Variants in MAN1A1 observed in about 807,000 individuals in gnomAD.
MAN1A1 encodes the protein mannosidase alpha class 1A member 1.
In MAN1A1, 29 loss-of-function variants were observed where a neutral mutation model predicts 70.8. The observed-to-expected ratio is 0.41, with a 90% CI of 0.31 to 0.56. The LOEUF (loss-of-function observed/expected upper bound fraction) is 0.56. MAN1A1 is among the 20% of genes least tolerant of loss of function. The pLI, the probability that MAN1A1 is intolerant of heterozygous loss-of-function variation, is 0.29. For missense variants in MAN1A1, 747 were observed against 841.3 expected (o/e 0.89, Z 1.39); for synonymous variants, 349 against 330.1 (o/e 1.06, Z -0.62).
At chr6:119,281,340 C>T (rs1462303385) in intron 5 of MAN1A1, among the ~76,000 whole-genome samples, 1 of 152,166 alleles carries the variant, frequency 6.6e-6, no homozygotes, top group Non-Finnish European at 1.5e-5. Flanking sequence ...ACAGTCTAAC[C>T]CAAGTCAGTG....
At position 119,204,807 on chromosome 6, in the gene MAN1A1, C is replaced by T; in HGVS notation, c.1068G>A (p.Glu356=). 1 of 1,614,024 alleles carries T rather than the reference C, an allele frequency of 6.2e-7. No homozygotes were observed. The highest frequency in any genetic ancestry group is 8.5e-7 in the Non-Finnish European group (1 of 1,179,912). The part of the protein sequence containing the change: ...ILAEFGTLHL[E]FMHLSHLSGN... ...CTGATAAGTGGCTCAAGTGCATAAA[C>T]TCCAAATGCAGGGTTCCAAATTCTG... The change falls in exon 7 of 13, where the codon GAG becomes GAA. Residue 356 remains glutamate, a synonymous_variant. Transcript: ENST00000368468.
At chr6:119,336,447 G>A (rs1325193990) in intron 2 of MAN1A1, among the ~76,000 whole-genome samples, 1 of 152,140 alleles carries the variant, frequency 6.6e-6, no homozygotes, top group Non-Finnish European at 1.5e-5. Context: ...AGGAAATGGA[G>A]GACCATTAAA....
chr6:119,303,175 T>C (rs1200438148), intron 3 of MAN1A1, among the ~76,000 whole-genome samples: 1 of 152,084 alleles, frequency 6.6e-6, no homozygotes, highest in African/African-American at 2.4e-5. Context: ...TGTGCCACCA[T>C]GCCTGGCTAA....
intron 2 of MAN1A1, among the ~76,000 whole-genome samples, chr6:119,342,423 T>A (rs1773621669): frequency 6.6e-6 from 1 of 152,192 alleles, no homozygotes; most frequent in African/African-American, 2.4e-5. Context: ...CCACTTCATG[T>A]CTGATACCAT....
rs73769055 is a variant in MAN1A1 at position 119,310,162 on chromosome 6, C to T, written c.604-3170G>A. ...TTTAATGTCCTGATCTAATCAAGCA[C>T]GCTGAAGAAAGAAATACGTTGGAAT... On this transcript the variant is annotated intron_variant, in intron 2 of 12. Coordinates refer to ENST00000368468, the MANE Select transcript of MAN1A1 (RefSeq NM_005907.4). Among the ~76,000 whole-genome samples, 324 of 152,294 alleles carry T rather than the reference C, an allele frequency of 2.1e-3. 2 individuals are homozygous for T. Among genetic ancestry groups the T allele is most frequent in the African/African-American group, 7.7e-3 (318 of 41,554 alleles).
At chr6:119,347,143 C>G (rs1034482530) in intron 2 of MAN1A1, among the ~76,000 whole-genome samples, 1 of 152,170 alleles carries the variant, frequency 6.6e-6, no homozygotes, top group Non-Finnish European at 1.5e-5. Flanking sequence ...GACATTCTTC[C>G]TAAACCGAAA....
chr6:119,301,978 T>C lies in MAN1A1; in HGVS notation c.816+10A>G, dbSNP rs1772403874. ...TTAAGGACTGAATTAGAAATTCTTA[T>C]TTAACTTACCACATTAAAATCTAAA... On this transcript the variant is annotated intron_variant, in intron 4 of 12. Transcript: ENST00000368468. The C allele has an allele frequency of 1.4e-6, 2 of 1,386,284 alleles. No homozygotes were observed. Among genetic ancestry groups the C allele is most frequent in the Admixed American group, 1.7e-5 (1 of 58,188 alleles). 85.9% of individuals were successfully genotyped at this position (1,386,284 alleles called of 1,614,324 possible).
intron 2 of MAN1A1, among the ~76,000 whole-genome samples, chr6:119,348,163 G>A (rs1056027594): frequency 6.6e-6 from 1 of 152,230 alleles, no homozygotes; most frequent in African/African-American, 2.4e-5. Flanking sequence ...AGCGGCCAGA[G>A]AATGAGGTTT....
intron 2 of MAN1A1, among the ~76,000 whole-genome samples, chr6:119,330,897 A>C (rs195068): frequency 0.19 from 28,540 of 151,750 alleles, 3,105 homozygotes; most frequent in Admixed American, 0.3. Flanking sequence ...TCCCATAGTA[A>C]CTCTAGGCCC....
intron 5 of MAN1A1, among the ~76,000 whole-genome samples, chr6:119,288,609 T>C (rs543509575): frequency 2.0e-5 from 3 of 151,836 alleles, no homozygotes; most frequent in Non-Finnish European, 4.4e-5. Context: ...CTGGGAGAAA[T>C]AGGCAAGTGA....
At chr6:119,254,072 G>A (rs1215152982) in intron 5 of MAN1A1, among the ~76,000 whole-genome samples, 2 of 152,234 alleles carry the variant, frequency 1.3e-5, no homozygotes, top group East Asian at 3.9e-4. Context: ...TACCTAAACT[G>A]GTGAGCTTAT....
At chr6:119,251,818 T>C (rs1380526230) in intron 5 of MAN1A1, among the ~76,000 whole-genome samples, 1 of 152,242 alleles carries the variant, frequency 6.6e-6, no homozygotes, top group Non-Finnish European at 1.5e-5. Context: ...CAGGAAGATA[T>C]TAATATTCTC....
At chr6:119,189,590 G>C (rs1453841733) in intron 10 of MAN1A1, 74 bp downstream of exon 10, 1 of 1,351,420 alleles carries the variant, frequency 7.4e-7, no homozygotes, top group African/African-American at 1.4e-5. Context: ...GTCTTTTGAG[G>C]GCAGCAATGA....
chr6:119,206,214 G>C (rs1455215516), intron 6 of MAN1A1, among the ~76,000 whole-genome samples: 2 of 152,168 alleles, frequency 1.3e-5, no homozygotes, highest in Non-Finnish European at 2.9e-5. Context: ...TGGGAGAGAA[G>C]GCTGGAAGGA....
rs370799342 is a variant in MAN1A1 at position 119,179,863 on chromosome 6, T to C, written c.1918A>G (p.Ile640Val). The C allele has an allele frequency of 2.5e-5, 41 of 1,613,078 alleles. No homozygotes were observed. In the Middle Eastern group the frequency reaches 5.0e-4, roughly 19 times the overall value. ...ACTTCCTTTTTATCTTTAGGGAGGA[T>C]AGGGAGAAGATGTGCCTCGCTATTG... Reference protein sequence around the residue: ...IFNSEAHLLPILPKDKKEVEI... With the variant: ...IFNSEAHLLPVLPKDKKEVEI... Residue 640 changes from isoleucine to valine, a missense_variant, in exon 13 of 13, where the codon ATC (isoleucine) becomes GTC (valine). Physicochemically the swap from Ile to Val is conservative, Grantham distance 29 (BLOSUM62 3). Coordinates refer to ENST00000368468, the MANE Select transcript of MAN1A1 (RefSeq NM_005907.4).
At chr6:119,347,239 A>AG (rs1773754330) in intron 2 of MAN1A1, among the ~76,000 whole-genome samples, 11 of 152,310 alleles carry the variant, frequency 7.2e-5, no homozygotes, top group Admixed American at 4.6e-4. Context: ...ATCCCATGAC[A>AG]ATCCTGCTGC....
rs571433648 is a variant in MAN1A1, at chr6:119,296,136, G to A, written c.817-5373C>T. 1.6e-4 allele frequency among the ~76,000 whole-genome samples: 25 copies of A among 152,298 alleles called. No homozygotes were observed. The South Asian group carries it at 5.2e-3, about 32-fold the overall frequency. ...CGATTAAATTGCAATATTTCACAGT[G>A]TAAGTCAGTCTGTCACAGTGTGTCC... On this transcript the variant is annotated intron_variant, in intron 4 of 12. Transcript: ENST00000368468.
At chr6:119,237,691 C>T (rs1037439955) in intron 6 of MAN1A1, among the ~76,000 whole-genome samples, 1 of 152,160 alleles carries the variant, frequency 6.6e-6, no homozygotes, top group African/African-American at 2.4e-5. Context: ...GATCCATTCT[C>T]TTGGGTGTAA....
chr6:119,288,996 AT>A (rs1776456773), intron 5 of MAN1A1, among the ~76,000 whole-genome samples: 1 of 151,734 alleles, frequency 6.6e-6, no homozygotes, highest in Non-Finnish European at 1.5e-5. Context: ...GAATTAAAAA[AT>A]ATCCTTACAA....
Sources: allele counts gnomAD v4.1 joint callset (sites outside exome capture counted in the v4.1 genomes callset), GRCh38; gene constraint gnomAD v4.1.1; transcripts MANE v1.5; gene names NCBI Gene and HGNC (gene_info 2026-07-23, HGNC 2026-07-21).